The following MSH4 variants were observed in gnomAD, a reference collection of about 807,000 sequenced individuals.
MSH4 encodes mutS homolog 4, also known as mutS protein homolog 4.
Under a neutral mutation model 113.7 loss-of-function variants are expected in MSH4, and 106 were observed. That is an observed-to-expected ratio of 0.93 (90% CI 0.80 to 1.10). The LOEUF (loss-of-function observed/expected upper bound fraction) is 1.10. Among genes scored for constraint, MSH4 ranks in the 50% least tolerant of loss-of-function variants. The pLI, the probability that MSH4 is intolerant of heterozygous loss-of-function variation, is 0.00. For missense variants in MSH4, 1,061 were observed against 1,093.7 expected (o/e 0.97, Z 0.42); for synonymous variants, 368 against 380.2 (o/e 0.97, Z 0.37).
chr1:75,810,817 G>A lies in MSH4; in HGVS notation c.699+10G>A. 3.8e-6 allele frequency: 5 copies of A among 1,311,416 alleles called. No individual in the cohort carries two copies. The highest frequency in any genetic ancestry group is 1.9e-4 in the Middle Eastern group (1 of 5,386). The allele number at this position is 1,311,416 out of a possible 1,614,324, so 81.2% of individuals were successfully genotyped here. A position where few individuals can be genotyped will look rare whatever the true frequency, so the allele number is the denominator to read the frequency against. On this transcript the variant is annotated intron_variant, in intron 4 of 19. Transcript: ENST00000263187. ...CACAGAAAATTTCAAGGTAAGTGAT[G>A]TTTACTGTTTGTAACATTCAAGATC...
intron 8 of MSH4, among the ~76,000 whole-genome samples, chr1:75,862,394 C>T (rs1651477142): frequency 6.6e-6 from 1 of 152,220 alleles, no homozygotes; most frequent in African/African-American, 2.4e-5. Flanking sequence ...TAGACTGGAG[C>T]TCTTCCTATT....
Position 75,883,691 on chromosome 1 carries a change from G to A in MSH4, c.1977G>A (p.Ala659=), listed in dbSNP as rs763268502. The A allele has an allele frequency of 2.0e-5, 32 of 1,612,682 alleles. No individual in the cohort carries two copies. Among genetic ancestry groups the A allele is most frequent in the African/African-American group, 6.7e-5 (5 of 74,742 alleles). ...GWHPILEKIS[A]EKPIANNTYV... ...ATCCTATTCTTGAAAAAATATCTGC[G>A]GAAAAACCTATTGCCAACAATACCT... The change falls in exon 15 of 20, where the codon GCG becomes GCA. Residue 659 remains alanine, a synonymous_variant. Transcript: ENST00000263187.
chr1:75,867,172 T>C (rs139872703), intron 8 of MSH4, among the ~76,000 whole-genome samples: 147 of 152,326 alleles, frequency 9.7e-4, no homozygotes, highest in African/African-American at 3.4e-3. Context: ...CAAATACTCT[T>C]TGTGCCTTTT....
At chr1:75,885,059 G>GTATATATATATA (rs1198722667) in intron 15 of MSH4, among the ~76,000 whole-genome samples, 16 of 112,548 alleles carry the variant, frequency 1.4e-4, no homozygotes, top group African/African-American at 5.7e-4. Context: ...GTGTGTGTGT[G>GTATATATATATA]TATATATATA....
At chr1:75,894,020 C>A (rs562146070) in intron 17 of MSH4, among the ~76,000 whole-genome samples, 86 of 152,260 alleles carry the variant, frequency 5.6e-4, no homozygotes, top group African/African-American at 2.0e-3. Context: ...ACTTACCCAT[C>A]CTGGAAGAGT....
chr1:75,832,040 A>G (rs1026972268), intron 7 of MSH4, among the ~76,000 whole-genome samples: 1 of 151,624 alleles, frequency 6.6e-6, no homozygotes, highest in African/African-American at 2.4e-5. Context: ...GACCACTAGC[A>G]AGATTAATAA....
At chr1:75,868,640 G>T (rs1323589486) in intron 9 of MSH4, among the ~76,000 whole-genome samples, 1 of 152,154 alleles carries the variant, frequency 6.6e-6, no homozygotes, top group Non-Finnish European at 1.5e-5. Context: ...ACATTTCAAG[G>T]GCGGGGACTG....
intron 9 of MSH4, among the ~76,000 whole-genome samples, chr1:75,870,650 A>C (rs1331638341): frequency 6.6e-6 from 1 of 152,140 alleles, no homozygotes; most frequent in Non-Finnish European, 1.5e-5. Context: ...CATGTAAAAC[A>C]TGACTTTGCT....
Position 75,901,238 on chromosome 1 carries a change from A to G in MSH4, c.2619+1532A>G, listed in dbSNP as rs758220447. Among the ~76,000 whole-genome samples the G allele has an allele frequency of 5.9e-5, 9 of 152,130 alleles. 1 individual carries two copies. The highest frequency in any genetic ancestry group is 6.5e-5 in the Admixed American group (1 of 15,268). On this transcript the variant is annotated intron_variant, in intron 19 of 19. Coordinates refer to ENST00000263187, the MANE Select transcript of MSH4 (RefSeq NM_002440.4). ...TTAACTATAGTCACCCTACTGAACT[A>G]TCGTACACTAGACTATTTCTTCAAT...
intron 8 of MSH4, among the ~76,000 whole-genome samples, chr1:75,849,820 T>A (rs1651149198): frequency 6.6e-6 from 1 of 152,138 alleles, no homozygotes. Context: ...AAGCCTGGAA[T>A]TTTTTTGGTA....
chr1:75,909,601 G>T (rs576815745), intron 19 of MSH4, among the ~76,000 whole-genome samples: 6 of 151,560 alleles, frequency 4.0e-5, no homozygotes, highest in African/African-American at 1.2e-4. Flanking sequence ...TTTAAGTCCC[G>T]CATGCATTAG....
Position 75,898,040 on chromosome 1 carries a change from C to T in MSH4, c.2489C>T (p.Thr830Ile). 1 of 1,598,130 alleles carries T rather than the reference C, an allele frequency of 6.3e-7. No homozygotes were observed. The highest frequency in any genetic ancestry group is 8.5e-7 in the Non-Finnish European group (1 of 1,172,372). Residue 830 changes from threonine to isoleucine, a missense_variant, in exon 18 of 20, where the codon ACC becomes ATC. Thr to Ile is a moderately conservative substitution (Grantham distance 89, BLOSUM62 -1). Transcript: ENST00000263187. ...TSRNKEAILY[T>I]YKLSKGLTEE... Reference sequence around the variant, plus strand: ...AGAAATAAAGAAGCAATTTTGTATACCTACAAACTTTCTAAGGGACTCACA... The same window carrying T: ...AGAAATAAAGAAGCAATTTTGTATATCTACAAACTTTCTAAGGGACTCACA...
chr1:75,856,531 T>G (rs930528942), intron 8 of MSH4, among the ~76,000 whole-genome samples: 1 of 152,178 alleles, frequency 6.6e-6, no homozygotes, highest in Admixed American at 6.5e-5. Flanking sequence ...AGTGAGAACA[T>G]GCGGTGTTTG....
chr1:75,862,383 G>C (rs1651476963), intron 8 of MSH4, among the ~76,000 whole-genome samples: 1 of 152,212 alleles, frequency 6.6e-6, no homozygotes, highest in Non-Finnish European at 1.5e-5. Flanking sequence ...GCTGGAAGCT[G>C]TAGACTGGAG....
intron 9 of MSH4, among the ~76,000 whole-genome samples, chr1:75,876,324 AT>A (rs1651817291): frequency 6.6e-6 from 1 of 152,002 alleles, no homozygotes; most frequent in Admixed American, 6.5e-5. Flanking sequence ...ATTTTGGTGA[AT>A]TTTTTAGTTT....
chr1:75,824,532 A>G (rs1220272652), intron 7 of MSH4, among the ~76,000 whole-genome samples: 1 of 152,180 alleles, frequency 6.6e-6, no homozygotes, highest in Non-Finnish European at 1.5e-5. Flanking sequence ...TGTTGTAGTC[A>G]TGAAGTCTTT....
At chr1:75,904,706 TG>T (rs1652583657) in intron 19 of MSH4, among the ~76,000 whole-genome samples, 1 of 151,744 alleles carries the variant, frequency 6.6e-6, no homozygotes, top group African/African-American at 2.4e-5. Context: ...TTTGCAGAGA[TG>T]GGGGTCTCCC....
Position 75,891,358 on chromosome 1 carries a change from T to C in MSH4, c.2355+534T>C, listed in dbSNP as rs182740765. Among the ~76,000 whole-genome samples, 15 of 152,256 alleles carry C rather than the reference T, an allele frequency of 9.9e-5. No individual in the cohort carries two copies. In the East Asian group the frequency reaches 2.7e-3, roughly 27 times the overall value. On this transcript the variant is annotated intron_variant, in intron 17 of 19. Transcript: ENST00000263187. ...TATACAGATATGAACAAAACTGAAA[T>C]AAAAATACTTTTTCTTATTTAAGAT... is the stretch of plus-strand genomic sequence containing the variant.
At chr1:75,886,860 C>T (rs1652136028) in intron 15 of MSH4, among the ~76,000 whole-genome samples, 2 of 139,486 alleles carry the variant, frequency 1.4e-5, no homozygotes, top group Admixed American at 1.5e-4. Context: ...TATATATTAC[C>T]TTCACATTTA....
Sources: gnomAD v4.1 joint callset for allele counts (sites outside exome capture counted in the v4.1 genomes callset) on GRCh38, gnomAD v4.1.1 for gene constraint, MANE v1.5 for transcripts, NCBI Gene and HGNC (gene_info 2026-07-23, HGNC 2026-07-21) for gene names.